RRM2: variants seen among roughly 807,000 people sequenced by gnomAD.
RRM2 encodes the protein ribonucleotide reductase regulatory subunit M2, also known as ribonucleoside-diphosphate reductase subunit M2.
In RRM2, 6 loss-of-function variants were observed where a neutral mutation model predicts 45.9. The observed-to-expected ratio is 0.13, with a 90% CI of 0.07 to 0.26. RRM2 has a LOEUF of 0.26. Among genes scored for constraint, RRM2 ranks in the 10% least tolerant of loss-of-function variants. The pLI is 1.00. For synonymous variants in RRM2, 177 were observed against 173.0 expected (o/e 1.02, Z -0.18); for missense variants, 343 against 489.5 (o/e 0.70, Z 2.82).
At chr2:10,210,346 G>C in exon 4 of RRM2, 1 of 1,367,788 alleles carries the variant, frequency 7.3e-7, no homozygotes, top group Non-Finnish European at 9.8e-7. Flanking sequence ...TCACTGCAGA[G>C]TCTGGAGAAG....
chr2:10,153,830 C>T (rs1002230280), intron 3 of RRM2, among the ~76,000 whole-genome samples: 1 of 152,118 alleles, frequency 6.6e-6, no homozygotes, highest in African/African-American at 2.4e-5. Context: ...AGCAAATTCC[C>T]AGGAAAATTT....
chr2:10,197,926 GGCCTGTCT>G, intron 3 of RRM2, among the ~76,000 whole-genome samples: 1 of 152,086 alleles, frequency 6.6e-6, no homozygotes, highest in South Asian at 2.1e-4. Flanking sequence ...GATCCTGCTG[GGCCTGTCT>G]GCCTGTCTGA....
At chr2:10,196,467 C>T (rs1429414681) in intron 3 of RRM2, among the ~76,000 whole-genome samples, 1 of 152,190 alleles carries the variant, frequency 6.6e-6, no homozygotes, top group African/African-American at 2.4e-5. Flanking sequence ...CCGGCACTGC[C>T]TGGCAGTGCC....
At chr2:10,199,804 A>C (rs1185922474) in intron 3 of RRM2, among the ~76,000 whole-genome samples, 10 of 150,456 alleles carry the variant, frequency 6.6e-5, no homozygotes, top group African/African-American at 2.5e-4. Flanking sequence ...AAAAAAAAAA[A>C]AAAAACAAAT....
At chr2:10,179,728 G>C (rs542588214) in intron 3 of RRM2, among the ~76,000 whole-genome samples, 104 of 152,242 alleles carry the variant, frequency 6.8e-4, no homozygotes, top group Non-Finnish European at 1.4e-3. Context: ...AGTTTCTATT[G>C]AATGTGTATC....
chr2:10,142,460 A>G, intron 3 of RRM2: 7 of 1,308,322 alleles, frequency 5.4e-6, no homozygotes, highest in Non-Finnish European at 7.2e-6. Flanking sequence ...GCTGTTTCCT[A>G]GCTCAGTGTA....
chr2:10,140,433 A>G (rs142540712), upstream of RRM2, among the ~76,000 whole-genome samples: 147 of 152,306 alleles, frequency 9.7e-4, 2 homozygotes, highest in Middle Eastern at 6.8e-3. Flanking sequence ...TGTATTTTCT[A>G]TCTTTACAGA....
Position 10,128,856 on chromosome 2 carries a change from CTG to C in RRM2, c.810_811del (p.Cys270Ter), listed in dbSNP as rs775339186. The C allele has an allele frequency of 2.5e-6, 4 of 1,613,676 alleles. No individual in the cohort carries two copies. The highest frequency in any genetic ancestry group is 2.2e-5 in the East Asian group (1 of 44,886). On this transcript the variant is annotated frameshift_variant, in exon 8 of 10. Coordinates refer to ENST00000304567, the MANE Select transcript of RRM2 (RefSeq NM_001034.4). LOFTEE classifies it high-confidence loss of function. ...ELISRDEGLH[C>X]DFACLMFKHL... ...TGAACTTTTTTTTCTAGGGTTTACA[CTG>C]TGATTTTGCTTGCCTGATGTTCAAA...
chr2:10,133,900 C>T (rs553182509), downstream of RRM2, among the ~76,000 whole-genome samples: 3 of 151,784 alleles, frequency 2.0e-5, no homozygotes, highest in Non-Finnish European at 4.4e-5. Context: ...ATAGGTGGGC[C>T]GGGCATGGTG....
At position 10,123,381 on chromosome 2, in the gene RRM2, C is replaced by T. The variant is rs775109836; in HGVS notation, c.175-6C>T. 1.0e-5 allele frequency: 16 copies of T among 1,600,704 alleles called. No individual in the cohort carries two copies. The Admixed American group carries it at 2.8e-4, about 28-fold the overall frequency. The stretch of plus-strand genomic sequence containing the variant: ...TACTTAAATGTTTTATTTTCTCCCC[C>T]AACAGAAAACTAAAGCAGCTGCCCC... On this transcript the variant is annotated splice_polypyrimidine_tract_variant and splice_region_variant and intron_variant, in intron 2 of 9. Transcript: ENST00000304567.
downstream of RRM2, among the ~76,000 whole-genome samples, chr2:10,131,917 T>C (rs1265212543): frequency 6.6e-6 from 1 of 152,044 alleles, no homozygotes; most frequent in Admixed American, 6.6e-5. Context: ...CGGGGCTGAG[T>C]TAACTTCTCA....
At position 10,195,779 on chromosome 2, in the gene RRM2, G is replaced by C. The variant is rs1414816983; in HGVS notation, n.483-14532G>C. ...AGGCTGTCACGGTGGTCCTGTGTAG[G>C]ACTGGTTGCCACAGGTAAGTAGTGA... On this transcript the variant is annotated intron_variant and non_coding_transcript_variant, in intron 3 of 3. Coordinates refer to the RRM2 transcript ENST00000381786. The surrounding 1 kb of genome is among the most constrained non-coding windows in gnomAD (Gnocchi z 4.9). Among the ~76,000 whole-genome samples, 2 of 152,078 alleles carry C rather than the reference G, an allele frequency of 1.3e-5. No individual in the cohort carries two copies. Among genetic ancestry groups the C allele is most frequent in the Non-Finnish European group, 2.9e-5 (2 of 68,018 alleles).
At chr2:10,132,774 A>C (rs144883208), downstream of RRM2, among the ~76,000 whole-genome samples, 637 of 152,340 alleles carry the variant, frequency 4.2e-3, 5 homozygotes, top group African/African-American at 0.015. Flanking sequence ...CGCTGGGCCT[A>C]TTGCACAAGT....
chr2:10,175,754 G>T (rs559633175), intron 3 of RRM2, among the ~76,000 whole-genome samples: 1 of 136,878 alleles, frequency 7.3e-6, no homozygotes, highest in African/African-American at 2.5e-5. Context: ...ACACCACCAC[G>T]CTCAGCTAAT....
In RRM2 at chr2:10,123,536, C is replaced by T. The variant is rs751228179; in HGVS notation, c.318+6C>T. 1.2e-5 allele frequency: 20 copies of T among 1,610,284 alleles called. 1 individual carries two copies. The highest frequency in any genetic ancestry group is 1.2e-4 in the South Asian group (11 of 90,846). On this transcript the variant is annotated splice_donor_region_variant and intron_variant, in intron 3 of 9. Coordinates refer to ENST00000304567, the MANE Select transcript of RRM2 (RefSeq NM_001034.4). ...CCTTTTGGACCGCCGAGGAGGTAATCGGAGGACCCCAGAAGACCCCTGCAG... is the reference window on the plus strand; with the variant it reads ...CCTTTTGGACCGCCGAGGAGGTAATTGGAGGACCCCAGAAGACCCCTGCAG...
At chr2:10,178,161 C>T (rs1016281300) in intron 3 of RRM2, among the ~76,000 whole-genome samples, 5 of 150,494 alleles carry the variant, frequency 3.3e-5, no homozygotes, top group Admixed American at 1.3e-4. Context: ...CTCCTGACCT[C>T]GTGATCTGCC....
At chr2:10,208,268 T>A (rs903704135) in intron 3 of RRM2, among the ~76,000 whole-genome samples, 1 of 152,094 alleles carries the variant, frequency 6.6e-6, no homozygotes, top group African/African-American at 2.4e-5. Flanking sequence ...CACCCAGTCC[T>A]AAGGGGAAGG....
At chr2:10,152,478 T>A (rs1228200849) in intron 3 of RRM2, among the ~76,000 whole-genome samples, 1 of 38,558 alleles carries the variant, frequency 2.6e-5, no homozygotes, top group East Asian at 3.9e-4. Context: ...TGTGTACTAT[T>A]TTTTTTTTTT....
rs1158971338 is a variant in RRM2, at chr2:10,169,220, C to T, written n.482+26845C>T. Among the ~76,000 whole-genome samples, 1 of 151,390 alleles carries T rather than the reference C, an allele frequency of 6.6e-6. No individual in the cohort carries two copies. Among genetic ancestry groups the T allele is most frequent in the Admixed American group, 6.6e-5 (1 of 15,184 alleles). On this transcript the variant is annotated intron_variant and non_coding_transcript_variant, in intron 3 of 3. Coordinates refer to the RRM2 transcript ENST00000381786. This position sits in a 1 kb window ranked among gnomAD's most constrained non-coding sequence, Gnocchi z 5.1. The stretch of plus-strand genomic sequence containing the variant: ...TAGTTTTGAACTCCCGGGCTCAATC[C>T]TCCTGCCTCAGCCTCCCACAGTGCT...
Sources: gnomAD v4.1 joint callset for allele counts (sites outside exome capture counted in the v4.1 genomes callset) on GRCh38, gnomAD v4.1.1 for gene constraint, Gnocchi (gnomAD v3.1) non-coding constraint, MANE v1.5 for transcripts, NCBI Gene and HGNC (gene_info 2026-07-23, HGNC 2026-07-21) for gene names.